The following CLCN3 variants were observed in gnomAD, a reference collection of about 807,000 sequenced individuals.
CLCN3 encodes Cl-/H+ antiporter 3.
In CLCN3, 16 loss-of-function variants were observed where a neutral mutation model predicts 83.4. The observed-to-expected ratio is 0.19, with a 90% CI of 0.13 to 0.29. CLCN3 has a LOEUF of 0.29. Among genes scored for constraint, CLCN3 ranks in the 10% least tolerant of loss-of-function variants. The pLI is 1.00. For missense variants in CLCN3, 544 were observed against 1,006.0 expected (o/e 0.54, Z 6.21); for synonymous variants, 322 against 346.2 (o/e 0.93, Z 0.78).
intron 5 of CLCN3, among the ~76,000 whole-genome samples, chr4:169,689,687 C>T (rs1732291332): frequency 6.6e-6 from 1 of 152,132 alleles, no homozygotes; most frequent in Non-Finnish European, 1.5e-5. Flanking sequence ...TTACTATGAT[C>T]TACAAAGAAC....
chr4:169,662,471 A>G (rs1425003507), intron 2 of CLCN3, among the ~76,000 whole-genome samples: 3 of 152,172 alleles, frequency 2.0e-5, no homozygotes, highest in Admixed American at 2.0e-4. Flanking sequence ...GGTCAACACA[A>G]TGGAATTGAT....
chr4:169,718,516 G>A (rs566041958), intron 12 of CLCN3, among the ~76,000 whole-genome samples: 2 of 152,210 alleles, frequency 1.3e-5, no homozygotes, highest in East Asian at 3.9e-4. Context: ...TTATGTGTGT[G>A]CCCCTTTTGT....
intron 3 of CLCN3, among the ~76,000 whole-genome samples, chr4:169,685,108 C>T (rs545632729): frequency 1.3e-5 from 2 of 151,906 alleles, no homozygotes; most frequent in African/African-American, 2.4e-5. Context: ...TGAGCCACCA[C>T]GTCTGGCCTA....
intron 9 of CLCN3, among the ~76,000 whole-genome samples, chr4:169,701,256 C>T (rs1442237644): frequency 6.6e-6 from 1 of 152,194 alleles, no homozygotes; most frequent in Non-Finnish European, 1.5e-5. Flanking sequence ...TAAGAAGTAA[C>T]TCCTTATACA....
At chr4:169,683,460 C>A (rs1334363735) in intron 3 of CLCN3, among the ~76,000 whole-genome samples, 5 of 152,116 alleles carry the variant, frequency 3.3e-5, no homozygotes, top group African/African-American at 4.8e-5. Flanking sequence ...GCACCACTGC[C>A]CTCCAACCTG....
At chr4:169,637,725 G>A (rs1241463295) in intron 2 of CLCN3, among the ~76,000 whole-genome samples, 1 of 151,674 alleles carries the variant, frequency 6.6e-6, no homozygotes, top group Non-Finnish European at 1.5e-5. Context: ...TTTTATTTTT[G>A]TGTATTCACA....
At position 169,690,517 on chromosome 4, in the gene CLCN3, A is replaced by G. The variant is rs763179656; in HGVS notation, c.607-13A>G. 2.6e-5 allele frequency: 41 copies of G among 1,601,314 alleles called. No homozygotes were observed. The Admixed American group carries it at 2.8e-4, about 11-fold the overall frequency. On this transcript the variant is annotated splice_polypyrimidine_tract_variant and intron_variant, in intron 5 of 12. Coordinates refer to ENST00000513761, the MANE Select transcript of CLCN3 (RefSeq NM_001829.4). Reference sequence around the variant, plus strand: ...TAAATTAAATTCATACTCTCGAACTATTTTCTTTTTAGGGTCCTGGTTCTT... The same window carrying G: ...TAAATTAAATTCATACTCTCGAACTGTTTTCTTTTTAGGGTCCTGGTTCTT...
intron 2 of CLCN3, among the ~76,000 whole-genome samples, chr4:169,646,659 G>A (rs1454775522): frequency 6.6e-6 from 1 of 152,084 alleles, no homozygotes; most frequent in African/African-American, 2.4e-5. Flanking sequence ...CTAAACTGGT[G>A]GGTTATTCAG....
At chr4:169,683,333 A>G (rs1365341135) in intron 3 of CLCN3, among the ~76,000 whole-genome samples, 1 of 152,132 alleles carries the variant, frequency 6.6e-6, no homozygotes, top group African/African-American at 2.4e-5. Flanking sequence ...ATCTCTACAC[A>G]ACAAAACAAA....
chr4:169,707,133 G>A lies in CLCN3; in HGVS notation c.2016G>A (p.Gln672=), dbSNP rs779382593. 1.2e-6 allele frequency: 2 copies of A among 1,613,942 alleles called. No homozygotes were observed. The highest frequency in any genetic ancestry group is 1.3e-5 in the African/African-American group (1 of 74,886). The change falls in exon 11 of 13, where the codon CAG becomes CAA. Residue 672 remains glutamine, a synonymous_variant. Coordinates refer to ENST00000513761, the MANE Select transcript of CLCN3 (RefSeq NM_001829.4). ...ATCCTCCCTTAGCTGTCCTGACACA[G>A]GACAATATGACAGTGGATGATATAG... ...RNDPPLAVLT[Q]DNMTVDDIEN... is the part of the protein sequence containing the mutation.
intron 12 of CLCN3, among the ~76,000 whole-genome samples, chr4:169,718,693 T>C (rs1262544482): frequency 2.0e-5 from 3 of 152,244 alleles, no homozygotes. Context: ...TGCCCTGCAA[T>C]TGTCATACCT....
In CLCN3 at chr4:169,717,390, G is replaced by T. The variant is rs79933379; in HGVS notation, c.2367-2517G>T. On this transcript the variant is annotated intron_variant, in intron 12 of 12. Coordinates refer to ENST00000513761, the MANE Select transcript of CLCN3 (RefSeq NM_001829.4). ...AGATCCAGATGATAACTGCTGTGTT[G>T]TGACATCATAGAAATTAGAAAAATA... 7.3e-3 allele frequency among the ~76,000 whole-genome samples: 1,118 copies of T among 152,200 alleles called. 10 individuals carry two copies. Among genetic ancestry groups the T allele is most frequent in the African/African-American group, 0.026 (1,067 of 41,500 alleles).
At chr4:169,675,810 G>T (rs1214720438) in intron 2 of CLCN3, among the ~76,000 whole-genome samples, 5 of 152,144 alleles carry the variant, frequency 3.3e-5, no homozygotes, top group African/African-American at 1.2e-4. Flanking sequence ...AATATTTAAA[G>T]GAGACTTGTC....
rs1455773255 is a variant in CLCN3, at chr4:169,722,131, T to C, written c.*2134T>C. ...CTGCGCCTGGCCCAGACAGACATTT[T>C]CTGAAACACAACTGGCAATGAGCTG... is the stretch of plus-strand genomic sequence containing the variant. On this transcript the variant is annotated 3_prime_UTR_variant, in exon 13 of 13. Transcript: ENST00000513761. 1 of 152,272 alleles carries C rather than the reference T, an allele frequency of 6.6e-6. No individual in the cohort carries two copies. Among genetic ancestry groups the C allele is most frequent in the Admixed American group, 6.5e-5 (1 of 15,288 alleles). 9.4% of individuals were successfully genotyped at this position (152,272 alleles called of 1,614,324 possible). A position where few individuals can be genotyped will look rare whatever the true frequency, so the allele number is the denominator to read the frequency against.
Position 169,692,295 on chromosome 4 carries a change from G to A in CLCN3, c.911G>A (p.Ser304Asn), listed in dbSNP as rs920055186. ...NIFSYLFPKYSTNEAKKREVL... is the reference protein window; with the variant it reads ...NIFSYLFPKYNTNEAKKREVL... ...TTTTCCTACCTCTTTCCAAAGTATAGCACAAACGAAGCTAAAAAAAGGGAG... is the reference window on the plus strand; with the variant it reads ...TTTTCCTACCTCTTTCCAAAGTATAACACAAACGAAGCTAAAAAAAGGGAG... The change falls in exon 7 of 13, where the codon AGC (serine) becomes AAC (asparagine). Residue 304 changes from serine (S) to asparagine (N), a missense_variant. This residue lies in a region of CLCN3 where 194 missense variants were observed against 341.4 expected (regional missense o/e 0.57). Transcript: ENST00000513761. 21 of 1,608,722 alleles carry A rather than the reference G, an allele frequency of 1.3e-5. No homozygotes were observed. The highest frequency in any genetic ancestry group is 1.7e-5 in the Non-Finnish European group (20 of 1,176,274).
At chr4:169,663,683 C>A (rs1731146479) in intron 2 of CLCN3, 2 of 411,566 alleles carry the variant, frequency 4.9e-6, no homozygotes, top group Non-Finnish European at 4.8e-6. Flanking sequence ...AAATCCTCAT[C>A]ACAAGTTTAT....
chr4:169,643,823 A>C (rs1409153831), intron 2 of CLCN3, among the ~76,000 whole-genome samples: 1 of 152,192 alleles, frequency 6.6e-6, no homozygotes, highest in Non-Finnish European at 1.5e-5. Flanking sequence ...TCTGGCTCAC[A>C]GTGGTGAATA....
chr4:169,696,453 G>T (rs1284226604), intron 8 of CLCN3, among the ~76,000 whole-genome samples: 4 of 151,722 alleles, frequency 2.6e-5, no homozygotes, highest in African/African-American at 9.7e-5. Flanking sequence ...TGTTTATGGG[G>T]TATAATGTGA....
chr4:169,669,488 C>T (rs1731377759), intron 2 of CLCN3, among the ~76,000 whole-genome samples: 1 of 151,596 alleles, frequency 6.6e-6, no homozygotes, highest in African/African-American at 2.4e-5. Context: ...GACCCCATCT[C>T]TAAAAAAATA....
Sources: gnomAD v4.1 joint callset for allele counts (sites outside exome capture counted in the v4.1 genomes callset) on GRCh38, gnomAD v4.1.1 for gene constraint, gnomAD v4.1.1 regional missense constraint, MANE v1.5 for transcripts, NCBI Gene and HGNC (gene_info 2026-07-23, HGNC 2026-07-21) for gene names.